FAT1: variants seen among roughly 807,000 people sequenced by gnomAD.
FAT1 encodes the protein protocadherin Fat 1.
In FAT1, 171 loss-of-function variants were observed where a neutral mutation model predicts 329.8. The observed-to-expected ratio is 0.52, with a 90% confidence interval of 0.46 to 0.59. FAT1 has a LOEUF of 0.59. FAT1 is among the 20% of genes least tolerant of loss of function. The probability of loss-of-function intolerance (pLI) is 0.00; values close to 1 mark genes in which losing one functional copy is unlikely to be tolerated. For missense variants in FAT1, 5,672 were observed against 5,774.4 expected (o/e 0.98, Z 0.57); for synonymous variants, 2,233 against 2,228.6 (o/e 1.00, Z -0.06).
intron 2 of FAT1, among the ~76,000 whole-genome samples, chr4:186,697,232 T>A (rs1344702423): frequency 6.6e-6 from 1 of 152,166 alleles, no homozygotes; most frequent in Admixed American, 6.5e-5. Context: ...GAGGTATCAA[T>A]GACCCTTGGA....
At chr4:186,650,021 T>G (rs910196354) in intron 3 of FAT1, among the ~76,000 whole-genome samples, 1 of 152,218 alleles carries the variant, frequency 6.6e-6, no homozygotes, top group Non-Finnish European at 1.5e-5. Context: ...TGTTAGTGTC[T>G]TCACTTGAAA....
chr4:186,607,437 G>GA (rs1413831963), intron 16 of FAT1, among the ~76,000 whole-genome samples: 1 of 130,306 alleles, frequency 7.7e-6, no homozygotes, highest in East Asian at 2.5e-4. Flanking sequence ...ATAGATGGGT[G>GA]AATGAATGGG....
chr4:186,671,138 C>A lies in FAT1; in HGVS notation c.3266-7525G>T, dbSNP rs558232174. On this transcript the variant is annotated intron_variant, in intron 2 of 26. Transcript: ENST00000441802. ...TCCTTCAATTAAAAACTTTTTTGAA[C>A]TTACCTGTTTTTAATCTCGTTTTCA... Among the ~76,000 whole-genome samples, 3 of 151,888 alleles carry A rather than the reference C, an allele frequency of 2.0e-5. No homozygotes were observed. The South Asian group carries it at 6.2e-4, about 31-fold the overall frequency.
intron 3 of FAT1, among the ~76,000 whole-genome samples, chr4:186,661,363 A>C (rs1407204868): frequency 6.6e-6 from 1 of 152,228 alleles, no homozygotes; most frequent in Non-Finnish European, 1.5e-5. Flanking sequence ...AACGCTGCAG[A>C]CAGAGGCCAA....
rs377702655 is a variant in FAT1, at chr4:186,596,608, G to T, written c.12932C>A (p.Pro4311Gln). The change falls in exon 25 of 27, where the codon CCA (proline) becomes CAA (glutamine). Residue 4311 changes from proline (P) to glutamine (Q), a missense_variant. This residue lies in a region of FAT1 where 1,706 missense variants were observed against 1,859.1 expected (regional missense o/e 0.92). Coordinates refer to ENST00000441802, the MANE Select transcript of FAT1 (RefSeq NM_005245.4). The surrounding 1 kb of genome is among the most constrained non-coding windows in gnomAD (Gnocchi z 4.7). ...VCSVAPNLPP[P>Q]PPSNSPSDSD... is the part of the protein sequence containing the mutation. Reference sequence around the variant, plus strand: ...GTCAGAAGGGGAGTTTGAAGGGGGTGGGGGAGGCAGGTTTGGCGCCACGCT... The same window carrying T: ...GTCAGAAGGGGAGTTTGAAGGGGGTTGGGGAGGCAGGTTTGGCGCCACGCT... 3 of 1,612,132 alleles carry T rather than the reference G, an allele frequency of 1.9e-6. No homozygotes were observed. Among genetic ancestry groups the T allele is most frequent in the Admixed American group, 3.3e-5 (2 of 59,776 alleles).
chr4:186,710,744 T>C (rs1340619047), intron 1 of FAT1, among the ~76,000 whole-genome samples: 2 of 151,914 alleles, frequency 1.3e-5, no homozygotes, highest in African/African-American at 2.4e-5. Context: ...CATGAGAAGA[T>C]GACACACACA....
chr4:186,653,369 C>T (rs1741757129), intron 3 of FAT1, among the ~76,000 whole-genome samples: 2 of 152,294 alleles, frequency 1.3e-5, no homozygotes, highest in African/African-American at 4.8e-5. Context: ...TACTGATACT[C>T]TAATTGCTCT....
chr4:186,721,383 A>C (rs914623700), intron 1 of FAT1, among the ~76,000 whole-genome samples: 1 of 152,120 alleles, frequency 6.6e-6, no homozygotes, highest in African/African-American at 2.4e-5. Context: ...CATTTCAAAA[A>C]CTCTTCTCCA....
intron 16 of FAT1, among the ~76,000 whole-genome samples, chr4:186,607,609 G>A (rs957353905): frequency 6.6e-6 from 1 of 151,886 alleles, no homozygotes; most frequent in Admixed American, 6.6e-5. Flanking sequence ...TGGGTGGGGT[G>A]GATGGATGGG....
intron 3 of FAT1, among the ~76,000 whole-genome samples, chr4:186,645,181 C>A (rs977955670): frequency 9.9e-5 from 15 of 151,732 alleles, no homozygotes; most frequent in Non-Finnish European, 1.8e-4. Flanking sequence ...CGAGGACCAG[C>A]TGGCCACCAG....
At chr4:186,724,439 C>A (rs1163650806), upstream of FAT1, among the ~76,000 whole-genome samples, 1 of 152,170 alleles carries the variant, frequency 6.6e-6, no homozygotes, top group Non-Finnish European at 1.5e-5. The surrounding 1 kb of genome is among the most constrained non-coding windows in gnomAD (Gnocchi z 5.3). Context: ...CCGAGTTAGA[C>A]CCCAGGCCCT....
chr4:186,720,370 G>A (rs1477569000), intron 1 of FAT1, among the ~76,000 whole-genome samples: 2 of 131,612 alleles, frequency 1.5e-5, no homozygotes, highest in Non-Finnish European at 3.5e-5. Context: ...GATTCTCTAT[G>A]TTCTACCTAG....
In FAT1 at chr4:186,618,937, G is replaced by T. The variant is rs545138363; in HGVS notation, c.7649C>A (p.Thr2550Asn). 10 of 1,613,932 alleles carry T rather than the reference G, an allele frequency of 6.2e-6. No individual in the cohort carries two copies. Among genetic ancestry groups the T allele is most frequent in the Non-Finnish European group, 8.5e-6 (10 of 1,179,890 alleles). Residue 2550 changes from threonine (T) to asparagine (N), a missense_variant, in exon 10 of 27, where the codon ACT (threonine) becomes AAT (asparagine). Physicochemically the swap from Thr to Asn is moderately conservative, Grantham distance 65. Coordinates refer to ENST00000441802, the MANE Select transcript of FAT1 (RefSeq NM_005245.4). ...FYINERGQIF[T>N]LEKLDRETPA... ...GGTTTCTCGATCAAGTTTTTCCAAA[G>T]TAAATATCTGTCCTCTCTCATTTAT...
intron 2 of FAT1, among the ~76,000 whole-genome samples, chr4:186,690,593 A>G (rs578070212): frequency 6.6e-6 from 1 of 152,260 alleles, no homozygotes; most frequent in South Asian, 2.1e-4. Flanking sequence ...GCTACTTGGG[A>G]GACTGAGGTA....
At chr4:186,710,911 G>A (rs1744918126) in intron 1 of FAT1, among the ~76,000 whole-genome samples, 1 of 152,320 alleles carries the variant, frequency 6.6e-6, no homozygotes, top group East Asian at 1.9e-4. Context: ...AATGACAAAT[G>A]GGAAGGTGGG....
chr4:186,634,520 AC>A (rs1451241323), intron 6 of FAT1, among the ~76,000 whole-genome samples: 1 of 152,172 alleles, frequency 6.6e-6, no homozygotes, highest in African/African-American at 2.4e-5. Context: ...AACACACACG[AC>A]GTCTTAAGAG....
At position 186,595,830 on chromosome 4, in the gene FAT1, A is replaced by C. The variant is rs1553985580; in HGVS notation, c.13001-4T>G. The C allele has an allele frequency of 6.2e-7, 1 of 1,613,878 alleles. No homozygotes were observed. Among genetic ancestry groups the C allele is most frequent in the Non-Finnish European group, 8.5e-7 (1 of 1,179,856 alleles). On this transcript the variant is annotated splice_region_variant and splice_polypyrimidine_tract_variant and intron_variant, in intron 25 of 26. Coordinates refer to ENST00000441802, the MANE Select transcript of FAT1 (RefSeq NM_005245.4). ...GGATCAAGATCCACCACTTTTGCTA[A>C]AAGGAAGGATGACAAACAGTAAGTA...
chr4:186,710,536 C>T (rs1300659794), intron 1 of FAT1, among the ~76,000 whole-genome samples: 2 of 152,084 alleles, frequency 1.3e-5, no homozygotes, highest in African/African-American at 4.8e-5. Flanking sequence ...GCAACATAAG[C>T]CCCAAAGAAA....
chr4:186,674,652 T>G (rs896470713), intron 2 of FAT1, among the ~76,000 whole-genome samples: 6 of 152,034 alleles, frequency 3.9e-5, no homozygotes, highest in Admixed American at 6.5e-5. Flanking sequence ...CCAGGCCCAT[T>G]TAGGATAAAA....
Sources: gnomAD v4.1 joint callset for allele counts (sites outside exome capture counted in the v4.1 genomes callset) on GRCh38, gnomAD v4.1.1 for gene constraint, gnomAD v4.1.1 regional missense constraint, Gnocchi (gnomAD v3.1) non-coding constraint, MANE v1.5 for transcripts, NCBI Gene and HGNC (gene_info 2026-07-23, HGNC 2026-07-21) for gene names.